Variants in MPP7 observed in about 807,000 individuals in gnomAD.
The protein encoded by MPP7 is MAGUK p55 scaffold protein 7.
A neutral mutation model predicts 76.5 loss-of-function variants in MPP7; 60 were observed. That is an observed-to-expected ratio of 0.78 (90% confidence interval 0.64 to 0.97). The LOEUF (loss-of-function observed/expected upper bound fraction) is 0.97, where lower values mean the gene tolerates loss of function less well. Ranked by LOEUF, MPP7 falls within the 50% of genes least tolerant of loss-of-function variation. The pLI, the probability that MPP7 is intolerant of heterozygous loss-of-function variation, is 0.00. For synonymous variants in MPP7, 237 were observed against 244.5 expected, an observed-to-expected ratio of 0.97 and a Z score of 0.29; for missense variants, 641 against 694.0, an observed-to-expected ratio of 0.92 and a Z score of 0.86.
At chr10:28,100,173 A>G in intron 11 of MPP7, among the ~76,000 whole-genome samples, 1 of 151,760 alleles carries the variant, frequency 6.6e-6, no homozygotes, top group Non-Finnish European at 1.5e-5. Flanking sequence ...GCTGGAAATT[A>G]TTATATGATA....
At chr10:28,206,181 C>T (rs1431614123) in intron 2 of MPP7, among the ~76,000 whole-genome samples, 6 of 152,186 alleles carry the variant, frequency 3.9e-5, no homozygotes, top group Non-Finnish European at 7.3e-5. Flanking sequence ...TCAACATTTA[C>T]TGAGTTCTCA....
At chr10:28,078,156 G>T (rs544950306) in intron 12 of MPP7, among the ~76,000 whole-genome samples, 1 of 152,140 alleles carries the variant, frequency 6.6e-6, no homozygotes, top group Admixed American at 6.5e-5. Flanking sequence ...ACATGAACTC[G>T]GGTAGCTGTT....
At chr10:28,149,934 C>G in intron 4 of MPP7, 48 bp downstream of exon 4, 1 of 1,474,936 alleles carries the variant, frequency 6.8e-7, no homozygotes, top group African/African-American at 1.4e-5. Context: ...CTGCCTGGGC[C>G]AGGTCTGCAG....
upstream of MPP7, among the ~76,000 whole-genome samples, chr10:28,304,669 T>A (rs1000036270): frequency 6.6e-6 from 1 of 152,212 alleles, no homozygotes; most frequent in Non-Finnish European, 1.5e-5. Flanking sequence ...TGAGATCTAA[T>A]ATTTTTACAT....
intron 3 of MPP7, among the ~76,000 whole-genome samples, chr10:28,151,571 T>C (rs2133781382): frequency 6.6e-6 from 1 of 152,324 alleles, no homozygotes; most frequent in East Asian, 1.9e-4. Context: ...TAGAGACTTA[T>C]TAAGAACTTA....
At chr10:28,289,375 T>G (rs1840860442) in intron 1 of MPP7, 1 of 151,998 alleles carries the variant, frequency 6.6e-6, no homozygotes, top group South Asian at 2.1e-4. Flanking sequence ...ATGAACTGTT[T>G]CCCGTGCGCT....
chr10:28,109,287 C>G (rs1641278989), intron 11 of MPP7, among the ~76,000 whole-genome samples: 1 of 152,014 alleles, frequency 6.6e-6, no homozygotes, highest in Non-Finnish European at 1.5e-5. Flanking sequence ...GACTCCATCT[C>G]AAAAACAACA....
At chr10:28,118,451 C>T (rs747681427) in intron 11 of MPP7, 18 of 984,844 alleles carry the variant, frequency 1.8e-5, no homozygotes, top group Non-Finnish European at 2.0e-5. Context: ...ATTATCTTAT[C>T]CCACATATGC....
At chr10:28,207,059 T>C (rs1837971308) in intron 2 of MPP7, among the ~76,000 whole-genome samples, 1 of 152,044 alleles carries the variant, frequency 6.6e-6, no homozygotes, top group East Asian at 1.9e-4. Flanking sequence ...AATTTTTGAG[T>C]AAGTGAAATA....
intron 12 of MPP7, among the ~76,000 whole-genome samples, chr10:28,085,470 T>C (rs1852962308): frequency 6.6e-6 from 1 of 152,102 alleles, no homozygotes; most frequent in South Asian, 2.1e-4. Flanking sequence ...CAGCAGAGGG[T>C]AGTGAAACAT....
chr10:28,136,725 G>A (rs1472745371), intron 5 of MPP7, among the ~76,000 whole-genome samples: 1 of 152,052 alleles, frequency 6.6e-6, no homozygotes, highest in African/African-American at 2.4e-5. Flanking sequence ...AAAGTACACT[G>A]AATGAGATTA....
intron 12 of MPP7, among the ~76,000 whole-genome samples, chr10:28,080,346 C>A (rs1039936022): frequency 2.0e-5 from 3 of 151,996 alleles, no homozygotes; most frequent in Non-Finnish European, 2.9e-5. Flanking sequence ...GCTAAGTAGA[C>A]GGGGGCATGA....
At chr10:28,106,896 C>G (rs563397725) in intron 11 of MPP7, among the ~76,000 whole-genome samples, 12 of 152,190 alleles carry the variant, frequency 7.9e-5, no homozygotes, top group African/African-American at 2.7e-4. Context: ...TTTCTGATCA[C>G]CCCTTCCTTT....
At chr10:28,195,978 G>A (rs1837568704) in intron 3 of MPP7, among the ~76,000 whole-genome samples, 1 of 152,154 alleles carries the variant, frequency 6.6e-6, no homozygotes, top group Non-Finnish European at 1.5e-5. Context: ...CCAAAAGAAT[G>A]TTACCTTCTA....
intron 1 of MPP7, among the ~76,000 whole-genome samples, chr10:28,301,521 C>T (rs1841154921): frequency 6.6e-6 from 1 of 152,184 alleles, no homozygotes; most frequent in Non-Finnish European, 1.5e-5. Context: ...CCACCTCTGA[C>T]CTGTGTATAC....
chr10:28,268,780 G>A (rs1043856520), intron 1 of MPP7, among the ~76,000 whole-genome samples: 11 of 149,928 alleles, frequency 7.3e-5, no homozygotes, highest in South Asian at 2.1e-4. Context: ...CTAATCAGGC[G>A]TGGTGGCAGG....
intron 2 of MPP7, among the ~76,000 whole-genome samples, chr10:28,308,172 CT>C (rs5784050): frequency 0.63 from 95,078 of 152,018 alleles, 29,944 homozygotes; most frequent in South Asian, 0.7. Flanking sequence ...CCAGCTGTCT[CT>C]TAACAAACAG....
intron 3 of MPP7, among the ~76,000 whole-genome samples, chr10:28,150,767 T>C (rs749958739): frequency 9.2e-5 from 14 of 152,060 alleles, no homozygotes; most frequent in Non-Finnish European, 1.6e-4. Flanking sequence ...TTTTAAAAAA[T>C]TTAGCCCTTC....
intron 3 of MPP7, among the ~76,000 whole-genome samples, chr10:28,155,184 A>G (rs1836011467): frequency 6.6e-6 from 1 of 152,186 alleles, no homozygotes; most frequent in Non-Finnish European, 1.5e-5. Flanking sequence ...TTGATTCATG[A>G]ACTCCTGAAA....
Sources: gnomAD v4.1 joint callset for allele counts (sites outside exome capture counted in the v4.1 genomes callset) on GRCh38, gnomAD v4.1.1 for gene constraint, MANE v1.5 for transcripts, NCBI Gene and HGNC (gene_info 2026-07-23, HGNC 2026-07-21) for gene names.